BANP: variants seen among roughly 807,000 people sequenced by gnomAD.
BANP encodes the protein protein BANP.
In BANP, 11 loss-of-function variants were observed where a neutral mutation model predicts 68.1. The observed-to-expected ratio is 0.16, with a 90% CI of 0.10 to 0.27. The LOEUF is 0.27. Among genes scored for constraint, BANP ranks in the 10% least tolerant of loss-of-function variants. The pLI, the probability that BANP is intolerant of heterozygous loss-of-function variation, is 1.00. For missense variants in BANP, 504 were observed against 722.7 expected (o/e 0.70, Z 3.47); for synonymous variants, 329 against 303.2 (o/e 1.09, Z -0.88).
chr16:88,025,154 G>C (rs555457639), intron 7 of BANP, among the ~76,000 whole-genome samples: 58 of 152,304 alleles, frequency 3.8e-4, no homozygotes, highest in Non-Finnish European at 7.2e-4. Context: ...CCTCCCGGTG[G>C]CAGCAGCTGG....
chr16:88,021,313 G>T (rs1053845748), intron 7 of BANP, among the ~76,000 whole-genome samples: 2 of 152,186 alleles, frequency 1.3e-5, no homozygotes, highest in East Asian at 3.9e-4. Context: ...CCGTCATTCT[G>T]CTGGAAGTCC....
chr16:88,013,368 G>A (rs534392030), intron 6 of BANP, among the ~76,000 whole-genome samples: 12 of 152,368 alleles, frequency 7.9e-5, no homozygotes, highest in African/African-American at 2.9e-4. Context: ...TCAGTGCAGT[G>A]TGACGTGGGC....
chr16:88,007,367 ATG>A (rs2071538785), intron 6 of BANP, among the ~76,000 whole-genome samples: 1 of 151,478 alleles, frequency 6.6e-6, no homozygotes, highest in African/African-American at 2.4e-5. Context: ...ATCTGGAAGG[ATG>A]TGAAGCTGTT....
intron 11 of BANP, among the ~76,000 whole-genome samples, chr16:88,046,859 G>A (rs1407873628): frequency 2.0e-5 from 3 of 152,056 alleles, no homozygotes; most frequent in African/African-American, 7.2e-5. Context: ...GAAGTCAGGA[G>A]ATCGAGACCG....
chr16:88,046,124 G>A (rs766694018), intron 11 of BANP, among the ~76,000 whole-genome samples: 1 of 152,252 alleles, frequency 6.6e-6, no homozygotes, highest in Non-Finnish European at 1.5e-5. Context: ...GCTTTACCCT[G>A]TGCACATACG....
intron 11 of BANP, among the ~76,000 whole-genome samples, chr16:88,048,763 A>G (rs1279330019): frequency 1.3e-5 from 2 of 152,070 alleles, no homozygotes; most frequent in East Asian, 3.9e-4. Flanking sequence ...TAAAGAAAGG[A>G]GGTGGATTCT....
At chr16:88,063,247 C>G (rs940394706) in intron 11 of BANP, among the ~76,000 whole-genome samples, 8 of 152,250 alleles carry the variant, frequency 5.3e-5, no homozygotes, top group African/African-American at 1.9e-4. Context: ...TTTCTAGGCC[C>G]AGTGCCTCGG....
At chr16:87,973,627 C>T (rs1233065576) in intron 1 of BANP, among the ~76,000 whole-genome samples, 1 of 151,864 alleles carries the variant, frequency 6.6e-6, no homozygotes, top group South Asian at 2.1e-4. Flanking sequence ...GGTGTGGTGG[C>T]GCATGCCTGT....
At position 88,028,997 on chromosome 16, in the gene BANP, G is replaced by A. The variant is rs550784101; in HGVS notation, c.1063+1347G>A. Among the ~76,000 whole-genome samples the A allele has an allele frequency of 6.0e-4, 91 of 152,244 alleles. No homozygotes were observed. The South Asian group carries it at 0.017, about 28-fold the overall frequency. ...CAATAAGCACTGCATTAGTTTTATA[G>A]TTGTAAAAAATGTTTAAAAGTCAGG... On this transcript the variant is annotated intron_variant, in intron 8 of 13. Transcript: ENST00000682872.
At chr16:87,996,444 C>T (rs1234488125) in intron 4 of BANP, among the ~76,000 whole-genome samples, 1 of 151,232 alleles carries the variant, frequency 6.6e-6, no homozygotes, top group Non-Finnish European at 1.5e-5. Context: ...TGTTGCTGGG[C>T]CCTCGTCCGG....
At position 88,076,919 on chromosome 16, in the gene BANP, G is replaced by A. The variant is rs1280806694; in HGVS notation, c.*258G>A. On this transcript the variant is annotated 3_prime_UTR_variant, in exon 14 of 14. Coordinates refer to ENST00000682872, the MANE Select transcript of BANP (RefSeq NM_001386991.1). ...GGGGAGGCACGGTGCGGAGAGCGTC[G>A]CATATGCGCGGGAAATCAAGAACTA... The A allele has an allele frequency of 8.8e-6, 4 of 455,256 alleles. No homozygotes were observed. The highest frequency in any genetic ancestry group is 2.0e-5 in the African/African-American group (1 of 50,046). 28.2% of individuals were successfully genotyped at this position (455,256 alleles called of 1,614,324 possible).
chr16:88,037,858 G>A (rs2079747076), intron 10 of BANP, 115 bp from the exon 11 acceptor site: 2 of 1,015,072 alleles, frequency 2.0e-6, no homozygotes, highest in Admixed American at 1.8e-5. Context: ...TTGCAGAACT[G>A]GGGTTTTCTT....
intron 1 of BANP, among the ~76,000 whole-genome samples, chr16:87,961,230 G>A (rs2059062397): frequency 6.6e-6 from 1 of 152,250 alleles, no homozygotes; most frequent in Non-Finnish European, 1.5e-5. Flanking sequence ...GCGTGTTGGT[G>A]TGGTGTCAAA....
chr16:88,021,714 A>T (rs1157452626), intron 7 of BANP, among the ~76,000 whole-genome samples: 1 of 152,234 alleles, frequency 6.6e-6, no homozygotes, highest in African/African-American at 2.4e-5. Flanking sequence ...CAGCTTGAAC[A>T]GCGGCAGGAG....
chr16:88,033,293 G>C, intron 9 of BANP, 48 bp downstream of exon 9: 1 of 1,482,738 alleles, frequency 6.7e-7, no homozygotes, highest in Non-Finnish European at 9.1e-7. Flanking sequence ...GCTGCGGGGT[G>C]GGCCACGGCA....
intron 11 of BANP, among the ~76,000 whole-genome samples, chr16:88,044,109 C>G (rs1453812271): frequency 6.6e-6 from 1 of 152,208 alleles, no homozygotes; most frequent in Non-Finnish European, 1.5e-5. Flanking sequence ...CCGTGGGTAC[C>G]CTGAGCCAGT....
In BANP at chr16:87,985,044, GGAGGA is replaced by G. The variant is rs879770125; in HGVS notation, c.362+786_362+790del. 2.6e-3 allele frequency among the ~76,000 whole-genome samples: 392 copies of G among 152,308 alleles called. 1 individual carries two copies. Among genetic ancestry groups the G allele is most frequent in the Non-Finnish European group, 1.9e-3 (129 of 68,032 alleles). Reference sequence around the variant, plus strand: ...GGTGGGACGGCAGCGGGGGCGCCGGGGAGGACATGTGGACGCCGAGGAATGGGAGC... The same window carrying G: ...GGTGGGACGGCAGCGGGGGCGCCGGGCATGTGGACGCCGAGGAATGGGAGC... On this transcript the variant is annotated intron_variant, in intron 4 of 13. Transcript: ENST00000682872.
chr16:88,024,941 T>C (rs2076705897), intron 7 of BANP, among the ~76,000 whole-genome samples: 1 of 152,198 alleles, frequency 6.6e-6, no homozygotes, highest in African/African-American at 2.4e-5. Flanking sequence ...TACACCTGGG[T>C]GTTTTAGATT....
At chr16:87,987,541 T>C (rs1316492392) in intron 4 of BANP, among the ~76,000 whole-genome samples, 1 of 151,038 alleles carries the variant, frequency 6.6e-6, no homozygotes, top group African/African-American at 2.4e-5. Flanking sequence ...GTGGGCAACG[T>C]AGTGAGACCC....
Sources: gnomAD v4.1 joint callset for allele counts (sites outside exome capture counted in the v4.1 genomes callset) on GRCh38, gnomAD v4.1.1 for gene constraint, MANE v1.5 for transcripts, NCBI Gene and HGNC (gene_info 2026-07-23, HGNC 2026-07-21) for gene names.